The following ADAMTS19 variants were observed in gnomAD, a reference collection of about 807,000 sequenced individuals.
The protein encoded by ADAMTS19 is ADAM metallopeptidase with thrombospondin type 1 motif 19.
Under a neutral mutation model 153.3 loss-of-function variants are expected in ADAMTS19, and 93 were observed. The ratio of observed to expected loss-of-function variants is 0.61; its 90% CI spans 0.51 to 0.72. The LOEUF is 0.72. ADAMTS19 is among the 30% of genes least tolerant of loss of function. The pLI is 0.00. For missense variants in ADAMTS19, 1,482 were observed against 1,552.1 expected, an observed-to-expected ratio of 0.95 and a Z score of 0.76; for synonymous variants, 600 against 556.6, an observed-to-expected ratio of 1.08 and a Z score of -1.10.
intron 7 of ADAMTS19, among the ~76,000 whole-genome samples, chr5:129,585,749 A>G (rs1266336847): frequency 2.0e-5 from 3 of 152,212 alleles, no homozygotes; most frequent in Non-Finnish European, 2.9e-5. Flanking sequence ...GTTGTTTCAC[A>G]TAGTATAGAA....
Position 129,601,475 on chromosome 5 carries a change from G to A in ADAMTS19, c.1478+4811G>A, listed in dbSNP as rs375719311. Among the ~76,000 whole-genome samples, 33 of 152,162 alleles carry A rather than the reference G, an allele frequency of 2.2e-4. No homozygotes were observed. The South Asian group carries it at 2.7e-3, about 12-fold the overall frequency. On this transcript the variant is annotated intron_variant, in intron 8 of 22. Coordinates refer to ENST00000274487, the MANE Select transcript of ADAMTS19 (RefSeq NM_133638.6). ...GCCAAAACTTATTAATATATTAATT[G>A]TTATTAGATTGCTGTGCTTTGAGGG...
chr5:129,532,357 A>G (rs536644285), intron 6 of ADAMTS19, among the ~76,000 whole-genome samples: 1 of 152,190 alleles, frequency 6.6e-6, no homozygotes, highest in Non-Finnish European at 1.5e-5. Flanking sequence ...TCCAATAAGC[A>G]TATAAAGAGA....
intron 15 of ADAMTS19, among the ~76,000 whole-genome samples, 186 bp downstream of exon 15, chr5:129,658,923 C>T (rs1753710370): frequency 6.6e-6 from 1 of 152,030 alleles, no homozygotes; most frequent in Non-Finnish European, 1.5e-5. Context: ...AGCCCATTTC[C>T]CAATAATGCA....
In ADAMTS19 at chr5:129,527,632, T is replaced by A. The variant is rs147301384; in HGVS notation, c.1087-116T>A. ...CTTTACAAGCTTTTTTTTTTTTTTTTTAAAAAAAAAAAAAGATGTCTCAAC... is the reference window on the plus strand; with the variant it reads ...CTTTACAAGCTTTTTTTTTTTTTTTATAAAAAAAAAAAAAGATGTCTCAAC... On this transcript the variant is annotated intron_variant, in intron 4 of 22. Coordinates refer to ENST00000274487, the MANE Select transcript of ADAMTS19 (RefSeq NM_133638.6). The A allele has an allele frequency of 6.4e-3, 1,439 of 225,692 alleles. 17 individuals are homozygous for A. The highest frequency in any genetic ancestry group is 0.037 in the African/African-American group (739 of 19,728). The allele number at this position is 225,692 out of a possible 1,614,324, so 14.0% of individuals were successfully genotyped here. A position where few individuals can be genotyped will look rare whatever the true frequency, so the allele number is the denominator to read the frequency against.
chr5:129,559,817 CTTAT>C (rs1753436321), intron 7 of ADAMTS19, among the ~76,000 whole-genome samples: 1 of 152,072 alleles, frequency 6.6e-6, no homozygotes, highest in Non-Finnish European at 1.5e-5. Flanking sequence ...TTTAAAACAA[CTTAT>C]TTGATTTTTA....
chr5:129,543,163 C>A (rs1752720966), intron 6 of ADAMTS19, among the ~76,000 whole-genome samples: 1 of 151,910 alleles, frequency 6.6e-6, no homozygotes, highest in African/African-American at 2.4e-5. Context: ...GATTCTCCTG[C>A]CTTAGCCTCT....
chr5:129,694,859 ACT>A lies in ADAMTS19; in HGVS notation c.2954+7_2954+8del, dbSNP rs773183787. On this transcript the variant is annotated splice_donor_5th_base_variant and intron_variant, in intron 19 of 22. Coordinates refer to ENST00000274487, the MANE Select transcript of ADAMTS19 (RefSeq NM_133638.6). ...ATGAGCAACCATGTCAAACAAGGTAACTCTATTCCAAGGGCCCTTAAAGCATT... is the reference window on the plus strand; with the variant it reads ...ATGAGCAACCATGTCAAACAAGGTAACTATTCCAAGGGCCCTTAAAGCATT... 15 of 1,577,612 alleles carry A rather than the reference ACT, an allele frequency of 9.5e-6. No individual in the cohort carries two copies. The Admixed American group carries it at 2.5e-4, about 26-fold the overall frequency.
intron 6 of ADAMTS19, among the ~76,000 whole-genome samples, chr5:129,549,496 A>G (rs1752987577): frequency 6.6e-6 from 1 of 151,666 alleles, no homozygotes; most frequent in Admixed American, 6.6e-5. Flanking sequence ...AATAAAAATA[A>G]TAGTTCAAAA....
In ADAMTS19 at chr5:129,599,759, A is replaced by G. The variant is rs1750557116; in HGVS notation, c.1478+3095A>G. ...TTTATGACCAGGAGCTCAGATTGGA[A>G]TAGCTCAAATGGTACGAAAATATTA... On this transcript the variant is annotated intron_variant, in intron 8 of 22. Coordinates refer to ENST00000274487, the MANE Select transcript of ADAMTS19 (RefSeq NM_133638.6). 9.8e-5 allele frequency among the ~76,000 whole-genome samples: 15 copies of G among 152,314 alleles called. 1 individual carries two copies. In the South Asian group the frequency reaches 3.1e-3, roughly 32 times the overall value.
chr5:129,545,620 A>C (rs1472151430), intron 6 of ADAMTS19, among the ~76,000 whole-genome samples: 2 of 151,524 alleles, frequency 1.3e-5, no homozygotes, highest in African/African-American at 2.5e-5. Context: ...ATGCAGCCAA[A>C]AAACACATGA....
intron 7 of ADAMTS19, among the ~76,000 whole-genome samples, chr5:129,576,961 C>G (rs1025390976): frequency 6.6e-6 from 1 of 152,118 alleles, no homozygotes; most frequent in African/African-American, 2.4e-5. Flanking sequence ...GTTAAACTGC[C>G]CACCTCTCTG....
intron 21 of ADAMTS19, among the ~76,000 whole-genome samples, chr5:129,718,983 T>C (rs1756853144): frequency 6.6e-6 from 1 of 152,294 alleles, no homozygotes; most frequent in Non-Finnish European, 1.5e-5. Flanking sequence ...CCAAAATATA[T>C]ATCTTTGGCA....
At chr5:129,666,057 CTTGAT>C (rs757249083) in intron 16 of ADAMTS19, among the ~76,000 whole-genome samples, 41 of 151,092 alleles carry the variant, frequency 2.7e-4, no homozygotes, top group Non-Finnish European at 5.5e-4. Flanking sequence ...TACTAAAGGA[CTTGAT>C]TTTTTAATGG....
chr5:129,579,785 G>T lies in ADAMTS19; in HGVS notation c.1373-16774G>T, dbSNP rs577778995. 2.6e-5 allele frequency among the ~76,000 whole-genome samples: 4 copies of T among 152,072 alleles called. No individual in the cohort carries two copies. The East Asian group carries it at 7.7e-4, about 29-fold the overall frequency. On this transcript the variant is annotated intron_variant, in intron 7 of 22. Transcript: ENST00000274487. The stretch of plus-strand genomic sequence containing the variant: ...ACTTCTGAGGCCTCTGTTCTGTCCC[G>T]TTGGTCTATATATCTGTTTTTTTAC...
intron 6 of ADAMTS19, among the ~76,000 whole-genome samples, chr5:129,535,883 C>T (rs1436922232): frequency 6.6e-6 from 1 of 152,108 alleles, no homozygotes; most frequent in Non-Finnish European, 1.5e-5. Context: ...AACTGGATCC[C>T]TTCCTTACAC....
chr5:129,476,451 G>GT (rs1750230797), intron 2 of ADAMTS19, among the ~76,000 whole-genome samples: 1 of 151,784 alleles, frequency 6.6e-6, no homozygotes, highest in Non-Finnish European at 1.5e-5. Flanking sequence ...TAGGGTCAGG[G>GT]TTCAAATCAA....
chr5:129,717,818 C>T (rs1295226499), intron 21 of ADAMTS19, among the ~76,000 whole-genome samples: 1 of 152,150 alleles, frequency 6.6e-6, no homozygotes, highest in African/African-American at 2.4e-5. Context: ...TAAATCAAGA[C>T]TTTACTTATT....
chr5:129,733,307 G>A (rs909747530), intron 21 of ADAMTS19, among the ~76,000 whole-genome samples: 4 of 151,760 alleles, frequency 2.6e-5, no homozygotes, highest in Non-Finnish European at 4.4e-5. Context: ...GGCACAAATG[G>A]GACTTAAGTA....
intron 2 of ADAMTS19, among the ~76,000 whole-genome samples, chr5:129,480,915 C>T (rs1371246146): frequency 6.6e-6 from 1 of 151,970 alleles, no homozygotes; most frequent in Non-Finnish European, 1.5e-5. Context: ...CAGTGATTGA[C>T]AAAAACCAAG....
Sources: allele counts gnomAD v4.1 joint callset (sites outside exome capture counted in the v4.1 genomes callset), GRCh38; gene constraint gnomAD v4.1.1; transcripts MANE v1.5; gene names NCBI Gene and HGNC (gene_info 2026-07-23, HGNC 2026-07-21).